ADD2: variants seen among roughly 807,000 people sequenced by gnomAD.
ADD2 encodes the protein beta-adducin.
In ADD2, 23 loss-of-function variants were observed where a neutral mutation model predicts 83.0. That is an observed-to-expected ratio of 0.28 (90% CI 0.20 to 0.39). The LOEUF is 0.39. Among genes scored for constraint, ADD2 ranks in the 10% least tolerant of loss-of-function variants. ADD2 has a pLI of 1.00. For synonymous variants in ADD2, 375 were observed against 375.4 expected (o/e 1.00, Z 0.01); for missense variants, 758 against 944.9 (o/e 0.80, Z 2.59).
chr2:70,682,393 G>T (rs569940322), intron 10 of ADD2, among the ~76,000 whole-genome samples: 17 of 152,294 alleles, frequency 1.1e-4, no homozygotes, highest in Middle Eastern at 3.4e-3. Context: ...AATGGGAGTT[G>T]CATTTTCACT....
intron 1 of ADD2, among the ~76,000 whole-genome samples, chr2:70,747,732 T>C (rs1674297742): frequency 6.6e-6 from 1 of 152,206 alleles, no homozygotes; most frequent in Non-Finnish European, 1.5e-5. Flanking sequence ...TACACACATT[T>C]TGTGTTCAGC....
At chr2:70,733,563 G>GAGGA (rs1673384177) in intron 1 of ADD2, among the ~76,000 whole-genome samples, 1 of 152,212 alleles carries the variant, frequency 6.6e-6, no homozygotes, top group Non-Finnish European at 1.5e-5. Context: ...ATTGCCTGTT[G>GAGGA]AGGAAGGAAG....
intron 6 of ADD2, among the ~76,000 whole-genome samples, chr2:70,693,884 G>A (rs1243757783): frequency 6.6e-6 from 1 of 152,152 alleles, no homozygotes; most frequent in Non-Finnish European, 1.5e-5. Context: ...CCTCCCATAC[G>A]GTGCCTTTGT....
intron 10 of ADD2, among the ~76,000 whole-genome samples, chr2:70,681,028 A>C (rs1407130169): frequency 6.6e-6 from 1 of 152,184 alleles, no homozygotes; most frequent in Non-Finnish European, 1.5e-5. Flanking sequence ...AAAGACCACC[A>C]AGTTAGGAAG....
intron 1 of ADD2, among the ~76,000 whole-genome samples, chr2:70,726,881 T>C (rs1402566235): frequency 6.6e-6 from 1 of 152,178 alleles, no homozygotes; most frequent in Non-Finnish European, 1.5e-5. Context: ...TGGTAGGAGA[T>C]ACAGAGAGCC....
At chr2:70,699,572 G>C (rs1671484837) in intron 4 of ADD2, among the ~76,000 whole-genome samples, 1 of 152,172 alleles carries the variant, frequency 6.6e-6, no homozygotes, top group Non-Finnish European at 1.5e-5. Flanking sequence ...TTGAGCCTAG[G>C]AGTTTCAGAC....
chr2:70,741,123 C>T (rs1673877534), intron 1 of ADD2, among the ~76,000 whole-genome samples: 1 of 152,156 alleles, frequency 6.6e-6, no homozygotes, highest in African/African-American at 2.4e-5. Context: ...ATAAATTGCC[C>T]TGCAGAGAAA....
At chr2:70,766,457 A>G (rs892427389) in intron 1 of ADD2, among the ~76,000 whole-genome samples, 1 of 152,236 alleles carries the variant, frequency 6.6e-6, no homozygotes, top group African/African-American at 2.4e-5. Flanking sequence ...AACATATATT[A>G]TTCATATGCT....
At chr2:70,761,987 A>C (rs75637895) in intron 1 of ADD2, among the ~76,000 whole-genome samples, 2,461 of 151,738 alleles carry the variant, frequency 0.016, 121 homozygotes, top group African/African-American at 0.057. Context: ...TATATTTTTT[A>C]ATGTTAATGA....
intron 1 of ADD2, among the ~76,000 whole-genome samples, chr2:70,726,648 C>A (rs1319546750): frequency 6.6e-6 from 1 of 152,156 alleles, no homozygotes; most frequent in Non-Finnish European, 1.5e-5. Context: ...TAAATCAGGA[C>A]TTTTGTGTTA....
intron 6 of ADD2, among the ~76,000 whole-genome samples, chr2:70,693,139 T>C (rs1181539768): frequency 6.6e-6 from 1 of 152,024 alleles, no homozygotes; most frequent in African/African-American, 2.4e-5. Context: ...TAAAAAGTAG[T>C]AAAATATTCA....
chr2:70,673,213 C>A, intron 14 of ADD2: 1 of 1,611,558 alleles, frequency 6.2e-7, no homozygotes, highest in Non-Finnish European at 8.5e-7. Flanking sequence ...AGGGTGGAGT[C>A]ATGTTTCCTT....
rs201998914 is a variant in ADD2, at chr2:70,709,238, T to TA, written c.-34-2797dup. On this transcript the variant is annotated intron_variant, in intron 2 of 15. Coordinates refer to ENST00000264436, the MANE Select transcript of ADD2 (RefSeq NM_001617.4). ...GATCTCCCCCAACCAGCACCACACT[T>TA]ACCAGCGGTGTTGACAAAATATTTG... Among the ~76,000 whole-genome samples the TA allele has an allele frequency of 6.1e-3, 920 of 151,666 alleles. 1 individual carries two copies. The highest frequency in any genetic ancestry group is 0.021 in the Middle Eastern group (6 of 292).
At chr2:70,698,670 C>T (rs185383090) in intron 4 of ADD2, among the ~76,000 whole-genome samples, 1 of 152,200 alleles carries the variant, frequency 6.6e-6, no homozygotes, top group East Asian at 1.9e-4. Flanking sequence ...AAAAATGTCG[C>T]TTGTACCCCA....
intron 1 of ADD2, among the ~76,000 whole-genome samples, chr2:70,729,561 G>C (rs553875538): frequency 6.6e-6 from 1 of 152,024 alleles, no homozygotes; most frequent in South Asian, 2.1e-4. Context: ...AAGACTCACG[G>C]GTACTTAGTT....
At chr2:70,743,802 TCAGAGCATA>T (rs544908567) in intron 1 of ADD2, among the ~76,000 whole-genome samples, 221 of 152,246 alleles carry the variant, frequency 1.5e-3, no homozygotes, top group Admixed American at 2.8e-3. Context: ...CTGTGGTAGA[TCAGAGCATA>T]CAGAGCATGA....
At chr2:70,732,515 C>A (rs1193766589) in intron 1 of ADD2, among the ~76,000 whole-genome samples, 2 of 152,206 alleles carry the variant, frequency 1.3e-5, no homozygotes, top group Non-Finnish European at 2.9e-5. Context: ...GCATTCTAGG[C>A]ACTGCATCAT....
intron 12 of ADD2, 134 bp downstream of exon 12, chr2:70,677,624 G>T (rs1437739513): frequency 2.5e-6 from 3 of 1,184,768 alleles, no homozygotes; most frequent in Admixed American, 4.1e-5. Flanking sequence ...TCAGTCAATG[G>T]TAGTTTCTCT....
At chr2:70,764,826 TC>T (rs1337132962) in intron 1 of ADD2, among the ~76,000 whole-genome samples, 2 of 151,802 alleles carry the variant, frequency 1.3e-5, no homozygotes, top group Non-Finnish European at 2.9e-5. Context: ...AAAAAGATTA[TC>T]ACTGGAATAA....
Sources: allele counts gnomAD v4.1 joint callset (sites outside exome capture counted in the v4.1 genomes callset), GRCh38; gene constraint gnomAD v4.1.1; transcripts MANE v1.5; gene names NCBI Gene and HGNC (gene_info 2026-07-23, HGNC 2026-07-21).